Variants in GRIP1 observed in about 807,000 individuals in gnomAD.
GRIP1 encodes glutamate receptor-interacting protein 1.
GRIP1 carries 45 observed loss-of-function variants against 129.9 expected under a neutral mutation model. The observed-to-expected ratio is 0.35, with a 90% CI of 0.27 to 0.44. The LOEUF is 0.44. Among genes scored for constraint, GRIP1 ranks in the 20% least tolerant of loss-of-function variants. The pLI is 1.00. For missense variants in GRIP1, 1,196 were observed against 1,396.8 expected, an observed-to-expected ratio of 0.86 and a Z score of 2.29; for synonymous variants, 530 against 520.8, an observed-to-expected ratio of 1.02 and a Z score of -0.24.
intron 1 of GRIP1, among the ~76,000 whole-genome samples, chr12:66,971,078 C>T (rs2042069343): frequency 6.6e-6 from 1 of 152,124 alleles, no homozygotes; most frequent in Non-Finnish European, 1.5e-5. Context: ...CTAGGAGTTC[C>T]ACTCTCAAGC....
intron 1 of GRIP1, among the ~76,000 whole-genome samples, chr12:66,873,262 A>G (rs1252284): frequency 0.96 from 145,613 of 152,122 alleles, 69,983 homozygotes; most frequent in East Asian, 1. Flanking sequence ...AAGAGGAGGG[A>G]ATTCAAAAGG....
rs934996073 is a variant in GRIP1, at chr12:66,715,709, T to C, written c.-419-85373A>G. Among the ~76,000 whole-genome samples, 4 of 151,976 alleles carry C rather than the reference T, an allele frequency of 2.6e-5. No homozygotes were observed. In the South Asian group the frequency reaches 6.2e-4, roughly 24 times the overall value. The stretch of plus-strand genomic sequence containing the variant: ...ACCTGTTCCAGAAACAATAAAAACA[T>C]TAAAATATGTAGTAATTGGGAATAT... On this transcript the variant is annotated intron_variant, in intron 1 of 4. Transcript: ENST00000538373.
Position 66,420,776 on chromosome 12 carries a change from T to C in GRIP1, c.1782A>G (p.Arg594=). Reference sequence around the variant, plus strand: ...AAATGACGAGGGGGTCTCCTGGTTTTCTACTGGATGGTGCTGTAATAATGG... The same window carrying C: ...AAATGACGAGGGGGTCTCCTGGTTTCCTACTGGATGGTGCTGTAATAATGG... ...LGITISSPSS[R]KPGDPLVISD... The change falls in exon 15 of 25, where the codon AGA becomes AGG. Residue 594 remains arginine, a synonymous_variant. Transcript: ENST00000359742. 8 of 1,570,266 alleles carry C rather than the reference T, an allele frequency of 5.1e-6. No individual in the cohort carries two copies. The highest frequency in any genetic ancestry group is 6.1e-6 in the Non-Finnish European group (7 of 1,139,816).
intron 1 of GRIP1, among the ~76,000 whole-genome samples, chr12:66,964,367 G>T (rs2041966312): frequency 6.6e-6 from 1 of 152,088 alleles, no homozygotes; most frequent in Non-Finnish European, 1.5e-5. Context: ...TGTGTGTATA[G>T]ATGTGTGATG....
chr12:67,039,624 A>G (rs181713914), intron 1 of GRIP1, among the ~76,000 whole-genome samples: 1 of 152,306 alleles, frequency 6.6e-6, no homozygotes, highest in African/African-American at 2.4e-5. Context: ...GTGGAATTCA[A>G]AAGAGTCTCA....
At chr12:66,584,095 C>A (rs1184120575) in intron 2 of GRIP1, among the ~76,000 whole-genome samples, 1 of 149,868 alleles carries the variant, frequency 6.7e-6, no homozygotes, top group Non-Finnish European at 1.5e-5. Flanking sequence ...AGGATGAGTT[C>A]ATGTCCTTTG....
Position 66,959,076 on chromosome 12 carries a change from T to A in GRIP1, c.58+109974A>T, listed in dbSNP as rs1050847800. Among the ~76,000 whole-genome samples, 5 of 152,216 alleles carry A rather than the reference T, an allele frequency of 3.3e-5. 1 individual carries two copies. The highest frequency in any genetic ancestry group is 2.6e-4 in the Admixed American group (4 of 15,278). ...CTGAATCACCTTTTAAAAATGTTAG[T>A]CTATATTCTTTCCCCATTTTTTAAT... is the stretch of plus-strand genomic sequence containing the variant. On this transcript the variant is annotated intron_variant, in intron 1 of 1. Coordinates refer to the GRIP1 transcript ENST00000643019.
rs1270526236 is a variant in GRIP1 at position 66,583,760 on chromosome 12, A to G, written c.136+13087T>C. Among the ~76,000 whole-genome samples the G allele has an allele frequency of 1.5e-5, 2 of 137,120 alleles. 1 individual carries two copies. The highest frequency in any genetic ancestry group is 3.2e-5 in the Non-Finnish European group (2 of 62,154). The allele number at this position is 137,120 out of a possible 152,430, so 90.0% of individuals were successfully genotyped here. On this transcript the variant is annotated intron_variant, in intron 2 of 24. Coordinates refer to ENST00000359742, the MANE Select transcript of GRIP1 (RefSeq NM_001366722.1). Reference sequence around the variant, plus strand: ...AATCATTAAAAAGTCAGGAAACAACAGGTGCTGGAGAGGATGTGGAGAAAT... The same window carrying G: ...AATCATTAAAAAGTCAGGAAACAACGGGTGCTGGAGAGGATGTGGAGAAAT...
chr12:66,620,010 C>T (rs1378526125), intron 1 of GRIP1, among the ~76,000 whole-genome samples: 2 of 152,278 alleles, frequency 1.3e-5, no homozygotes, highest in African/African-American at 4.8e-5. Context: ...ACATCCATTA[C>T]TTCATTTGAT....
chr12:66,854,043 G>A (rs1005692660), intron 1 of GRIP1, among the ~76,000 whole-genome samples: 1 of 152,044 alleles, frequency 6.6e-6, no homozygotes. Context: ...AGGTAAGGGA[G>A]AATTTATGAG....
At chr12:66,356,813 C>T (rs904957626) in intron 23 of GRIP1, among the ~76,000 whole-genome samples, 1 of 152,186 alleles carries the variant, frequency 6.6e-6, no homozygotes, top group Non-Finnish European at 1.5e-5. Flanking sequence ...TATGTGATAG[C>T]CACCACTTCC....
intron 1 of GRIP1, among the ~76,000 whole-genome samples, chr12:66,846,677 T>C (rs2039822586): frequency 6.6e-6 from 1 of 152,194 alleles, no homozygotes; most frequent in South Asian, 2.1e-4. Context: ...TAGTATACAT[T>C]AAACAGGTGC....
rs186127141 is a variant in GRIP1 at position 66,392,510 on chromosome 12, G to C, written c.2270-8C>G. On this transcript the variant is annotated splice_polypyrimidine_tract_variant and splice_region_variant and intron_variant, in intron 18 of 24. Transcript: ENST00000359742. ...GGCTCGATGCTGACTGGGCTTTATA[G>C]ACAGGAAAGGAGTTTAAGTATCAGA... The C allele has an allele frequency of 1.2e-5, 19 of 1,612,490 alleles. No homozygotes were observed. The highest frequency in any genetic ancestry group is 1.7e-5 in the Admixed American group (1 of 60,006).
intron 1 of GRIP1, among the ~76,000 whole-genome samples, chr12:66,664,034 T>A (rs746815204): frequency 3.9e-5 from 6 of 152,234 alleles, no homozygotes; most frequent in Admixed American, 6.5e-5. Flanking sequence ...TTAATTGGAT[T>A]TATTTTCTAT....
At chr12:66,454,190 T>C (rs1482566847) in intron 11 of GRIP1, among the ~76,000 whole-genome samples, 2 of 152,212 alleles carry the variant, frequency 1.3e-5, no homozygotes, top group African/African-American at 4.8e-5. Flanking sequence ...GGGTGATAGC[T>C]GGTCTTGGGC....
chr12:66,956,593 C>T (rs2041845251), intron 1 of GRIP1, among the ~76,000 whole-genome samples: 1 of 152,184 alleles, frequency 6.6e-6, no homozygotes, highest in Admixed American at 6.6e-5. Flanking sequence ...GATGTTAAAG[C>T]CACCACACAA....
intron 1 of GRIP1, among the ~76,000 whole-genome samples, chr12:67,016,570 A>T (rs568652347): frequency 6.6e-6 from 1 of 152,232 alleles, no homozygotes; most frequent in South Asian, 2.1e-4. Flanking sequence ...CTGAGACTTT[A>T]TCTAGTTACT....
At chr12:67,042,285 T>C (rs981238370) in intron 1 of GRIP1, among the ~76,000 whole-genome samples, 6 of 152,160 alleles carry the variant, frequency 3.9e-5, no homozygotes, top group Admixed American at 3.3e-4. Context: ...GAAAACAAAC[T>C]AAGACAATTG....
intron 1 of GRIP1, among the ~76,000 whole-genome samples, chr12:66,904,143 T>C (rs1293402321): frequency 2.6e-5 from 4 of 152,238 alleles, no homozygotes; most frequent in African/African-American, 4.8e-5. Context: ...AATACTGTAA[T>C]GTGCCACTAG....
Sources: gnomAD v4.1 joint callset for allele counts (sites outside exome capture counted in the v4.1 genomes callset) on GRCh38, gnomAD v4.1.1 for gene constraint, MANE v1.5 for transcripts, NCBI Gene and HGNC (gene_info 2026-07-23, HGNC 2026-07-21) for gene names.